CELF2: variants seen among roughly 807,000 people sequenced by gnomAD.
The protein encoded by CELF2 is CUGBP Elav-like family member 2, also known as CUG triplet repeat RNA-binding protein 2.
A neutral mutation model predicts 62.6 loss-of-function variants in CELF2; 8 were observed. The observed-to-expected ratio is 0.13, with a 90% CI of 0.07 to 0.23. CELF2 has a LOEUF of 0.23. CELF2 is among the 10% of genes least tolerant of loss of function. The pLI is 1.00. For missense variants in CELF2, 333 were observed against 671.0 expected, an observed-to-expected ratio of 0.50 and a Z score of 5.56; for synonymous variants, 258 against 250.0, an observed-to-expected ratio of 1.03 and a Z score of -0.30.
At chr10:10,984,849 G>A (rs1205889692) in intron 2 of CELF2, among the ~76,000 whole-genome samples, 1 of 152,044 alleles carries the variant, frequency 6.6e-6, no homozygotes, top group African/African-American at 2.4e-5. Context: ...TACCTTGACT[G>A]GACTAAATGT....
intron 1 of CELF2, among the ~76,000 whole-genome samples, chr10:11,091,930 T>C (rs1434432045): frequency 6.6e-6 from 1 of 152,218 alleles, no homozygotes; most frequent in Non-Finnish European, 1.5e-5. Flanking sequence ...ACCAGGTATT[T>C]ACAGGCATTT....
In CELF2 at chr10:11,253,344, AG is replaced by A. The variant is rs142802562; in HGVS notation, c.403+4145del. Reference sequence around the variant, plus strand: ...AAGGCCTCCAAAACCTCCAGTGTCCAGGTGTCAAGTTCAGAGCTAGCAGCAG... The same window carrying A: ...AAGGCCTCCAAAACCTCCAGTGTCCAGTGTCAAGTTCAGAGCTAGCAGCAG... On this transcript the variant is annotated intron_variant, in intron 4 of 12. Coordinates refer to ENST00000633077, the MANE Select transcript of CELF2 (RefSeq NM_001326342.2). Among the ~76,000 whole-genome samples the A allele has an allele frequency of 3.2e-3, 490 of 152,318 alleles. 2 individuals are homozygous for A. Among genetic ancestry groups the A allele is most frequent in the African/African-American group, 0.011 (446 of 41,552 alleles).
At chr10:10,842,049 A>G (rs531728793) in intron 1 of CELF2, among the ~76,000 whole-genome samples, 63 of 152,042 alleles carry the variant, frequency 4.1e-4, no homozygotes, top group African/African-American at 1.4e-3. Context: ...TTTTTTTCTG[A>G]TGCGATTGTA....
At chr10:10,683,670 C>T in the CELF2 span, among the ~76,000 whole-genome samples, 1 of 152,170 alleles carries the variant, frequency 6.6e-6, no homozygotes, top group Non-Finnish European at 1.5e-5. Flanking sequence ...GAAAAAGTTA[C>T]TCAATCCTAA....
the CELF2 span, among the ~76,000 whole-genome samples, chr10:10,464,501 CTCT>C: frequency 6.6e-6 from 1 of 152,004 alleles, no homozygotes; most frequent in African/African-American, 2.4e-5. Context: ...ATTGAGGTGC[CTCT>C]TCTTTGTAAT....
chr10:11,019,187 G>A (rs2057883459), intron 1 of CELF2, among the ~76,000 whole-genome samples: 1 of 152,148 alleles, frequency 6.6e-6, no homozygotes, highest in Non-Finnish European at 1.5e-5. Flanking sequence ...AGGCATGTTA[G>A]GAAAAGGAAA....
At chr10:11,072,978 T>C (rs1339504042) in intron 1 of CELF2, among the ~76,000 whole-genome samples, 4 of 151,884 alleles carry the variant, frequency 2.6e-5, no homozygotes, top group Non-Finnish European at 5.9e-5. Context: ...TCCTATTACA[T>C]TATATATTAT....
chr10:10,616,368 A>G, the CELF2 span, among the ~76,000 whole-genome samples: 1 of 148,218 alleles, frequency 6.7e-6, no homozygotes, highest in Non-Finnish European at 1.5e-5. Flanking sequence ...TTCAGAACCT[A>G]TTGGTTGGAG....
At chr10:10,506,940 C>T in the CELF2 span, among the ~76,000 whole-genome samples, 6 of 152,116 alleles carry the variant, frequency 3.9e-5, no homozygotes, top group African/African-American at 7.2e-5. Context: ...GCTGAGATTA[C>T]GGGCATGAGC....
chr10:10,912,974 G>T (rs933661149), intron 1 of CELF2, among the ~76,000 whole-genome samples: 1 of 152,154 alleles, frequency 6.6e-6, no homozygotes, highest in African/African-American at 2.4e-5. Context: ...GTGAGTGGAC[G>T]CCTGTAAATG....
chr10:10,467,489 G>A, the CELF2 span, among the ~76,000 whole-genome samples: 1 of 151,916 alleles, frequency 6.6e-6, no homozygotes, highest in Non-Finnish European at 1.5e-5. Flanking sequence ...TTTATAGTAA[G>A]TCTTGGAAAA....
At position 11,159,260 on chromosome 10, in the gene CELF2, C is replaced by G. The variant is rs652546; in HGVS notation, c.75-6226C>G. 0.13 allele frequency among the ~76,000 whole-genome samples: 19,882 copies of G among 152,078 alleles called. 2,404 individuals are homozygous for G. Among genetic ancestry groups the G allele is most frequent in the East Asian group, 0.62 (3,202 of 5,144 alleles). Reference sequence around the variant, plus strand: ...TATTTTTGGTGGCGTAACTGATAACCAAAACATTTTGTTAAATTTACCCAA... The same window carrying G: ...TATTTTTGGTGGCGTAACTGATAACGAAAACATTTTGTTAAATTTACCCAA... On this transcript the variant is annotated intron_variant, in intron 1 of 12. Transcript: ENST00000633077. This position sits in a 1 kb window ranked among gnomAD's most constrained non-coding sequence, Gnocchi z 5.0.
chr10:10,934,326 C>T lies in CELF2; in HGVS notation c.89+14327C>T, dbSNP rs1435174709. 6.6e-6 allele frequency among the ~76,000 whole-genome samples: 1 copy of T among 152,210 alleles called. No individual in the cohort carries two copies. Among genetic ancestry groups the T allele is most frequent in the Non-Finnish European group, 1.5e-5 (1 of 68,048 alleles). ...AACTCCTCGAGGAGTGGCCCCAAGT[C>T]TACCGTGCTCACCTTTCTATCCTCA... On this transcript the variant is annotated intron_variant, in intron 2 of 13. Transcript: ENST00000636488. The surrounding 1 kb of genome is among the most constrained non-coding windows in gnomAD (Gnocchi z 4.4).
the CELF2 span, among the ~76,000 whole-genome samples, chr10:10,731,867 A>G: frequency 1.3e-5 from 2 of 152,136 alleles, no homozygotes; most frequent in Non-Finnish European, 2.9e-5. Context: ...AGTCAGGATA[A>G]GCAAAGTGAG....
chr10:10,691,163 C>A, the CELF2 span, among the ~76,000 whole-genome samples: 5 of 151,732 alleles, frequency 3.3e-5, no homozygotes, highest in East Asian at 3.9e-4. Flanking sequence ...CCTCTCCCCC[C>A]ACCCCACAAC....
At chr10:10,621,199 G>T in the CELF2 span, among the ~76,000 whole-genome samples, 1 of 148,524 alleles carries the variant, frequency 6.7e-6, no homozygotes, top group Non-Finnish European at 1.5e-5. Context: ...AGCAGAGATG[G>T]CGCCATTGCA....
At chr10:10,828,509 G>GT (rs1298112125) in intron 1 of CELF2, among the ~76,000 whole-genome samples, 1 of 152,160 alleles carries the variant, frequency 6.6e-6, no homozygotes, top group African/African-American at 2.4e-5. Flanking sequence ...CAGGCACTGT[G>GT]TGTGGGGAGA....
intron 2 of CELF2, among the ~76,000 whole-genome samples, chr10:11,204,583 G>A (rs980556150): frequency 6.6e-6 from 1 of 152,236 alleles, no homozygotes; most frequent in Non-Finnish European, 1.5e-5. Context: ...GTAAGAGGTA[G>A]CAGCCACCCG....
At chr10:10,709,892 T>G in the CELF2 span, among the ~76,000 whole-genome samples, 1 of 152,248 alleles carries the variant, frequency 6.6e-6, no homozygotes. Flanking sequence ...GGTATGTGTT[T>G]GACCAACCTA....
Sources: allele counts gnomAD v4.1 joint callset (sites outside exome capture counted in the v4.1 genomes callset), GRCh38; gene constraint gnomAD v4.1.1; non-coding constraint Gnocchi (gnomAD v3.1); transcripts MANE v1.5; gene names NCBI Gene and HGNC (gene_info 2026-07-23, HGNC 2026-07-21).